Variants in CARHSP1 observed in about 807,000 individuals in gnomAD.
CARHSP1 encodes the protein calcium regulated heat stable protein 1.
Under a neutral mutation model 12.5 loss-of-function variants are expected in CARHSP1, and 14 were observed. The ratio of observed to expected loss-of-function variants is 1.12; its 90% CI spans 0.74 to 1.75. CARHSP1 has a LOEUF of 1.75. Among genes scored for constraint, CARHSP1 ranks in the 40% most tolerant of loss-of-function variants. CARHSP1 has a pLI of 0.00. For missense variants in CARHSP1, 343 were observed against 201.6 expected (o/e 1.70, Z -4.25); for synonymous variants, 161 against 82.0 (o/e 1.96, Z -5.20).
rs200553358 is a variant in CARHSP1 at position 8,859,185 on chromosome 16, C to A, written c.144G>T (p.Thr48=). ...VVPSPLPTRR[T]RTFSATVRAS... ...TCCAGACTCACGCCGAGAAGGTCCTCGTCCGGCGAGTGGGCAGTGGGCTTG... is the reference window on the plus strand; with the variant it reads ...TCCAGACTCACGCCGAGAAGGTCCTAGTCCGGCGAGTGGGCAGTGGGCTTG... The change falls in exon 2 of 4, where the codon ACG becomes ACT. Residue 48 remains threonine, a synonymous_variant. Coordinates refer to ENST00000311052, the MANE Select transcript of CARHSP1 (RefSeq NM_014316.4). 1.2e-6 allele frequency: 2 copies of A among 1,601,992 alleles called. No homozygotes were observed. The highest frequency in any genetic ancestry group is 2.2e-5 in the East Asian group (1 of 44,550).
intron 1 of CARHSP1, among the ~76,000 whole-genome samples, chr16:8,863,021 A>C (rs1244554263): frequency 6.6e-6 from 1 of 151,080 alleles, no homozygotes; most frequent in Non-Finnish European, 1.5e-5. Context: ...GTCTGAGGGC[A>C]GCACAGGGCC....
chr16:8,868,438 G>A (rs2061483125), intron 1 of CARHSP1: 1 of 151,618 alleles, frequency 6.6e-6, no homozygotes, highest in African/African-American at 2.4e-5. Flanking sequence ...CGGGCCCAGC[G>A]CGCCCGGCGG....
At position 8,858,430 on chromosome 16, in the gene CARHSP1, G is replaced by A. The variant is rs115493998; in HGVS notation, c.201C>T (p.Cys67=). The A allele has an allele frequency of 6.8e-4, 1,105 of 1,614,060 alleles. 8 individuals carry two copies. In the African/African-American group the frequency reaches 0.013, roughly 20 times the overall value. ...GGCCCTTGGACCGGCAGAAGCATTT[G>A]CAGACTCCTTTGTAGACGGGGCCCT... ...ASQGPVYKGV[C]KCFCRSKGHG... The change falls in exon 3 of 4, where the codon TGC becomes TGT. Residue 67 remains cysteine, a synonymous_variant. Coordinates refer to ENST00000311052, the MANE Select transcript of CARHSP1 (RefSeq NM_014316.4).
At chr16:8,863,741 C>T (rs2061409190) in intron 1 of CARHSP1, among the ~76,000 whole-genome samples, 1 of 151,970 alleles carries the variant, frequency 6.6e-6, no homozygotes, top group Non-Finnish European at 1.5e-5. Flanking sequence ...GAGGGCCGGG[C>T]AAAGTCCAGC....
chr16:8,865,564 G>C (rs1368374458), intron 1 of CARHSP1, among the ~76,000 whole-genome samples: 2 of 152,216 alleles, frequency 1.3e-5, no homozygotes, highest in African/African-American at 4.8e-5. Context: ...GCCTTCCATG[G>C]GATGCTGGCT....
chr16:8,862,901 G>C (rs1487640086), intron 1 of CARHSP1, among the ~76,000 whole-genome samples: 3 of 152,032 alleles, frequency 2.0e-5, no homozygotes, highest in Non-Finnish European at 4.4e-5. Flanking sequence ...GAATGGCACA[G>C]ACCCAAAATG....
rs116783584 is a variant in CARHSP1, at chr16:8,865,916, C to T, written c.-8+3050G>A. 3.1e-3 allele frequency among the ~76,000 whole-genome samples: 466 copies of T among 152,246 alleles called. 8 individuals carry two copies. Among genetic ancestry groups the T allele is most frequent in the African/African-American group, 0.011 (450 of 41,552 alleles). ...GGGATCTTGTTCAAATGCAGATTGC[C>T]ATTCAGCAGGTGTGGGGTGGGGCCT... On this transcript the variant is annotated intron_variant, in intron 1 of 3. Transcript: ENST00000311052.
intron 1 of CARHSP1, among the ~76,000 whole-genome samples, chr16:8,862,534 AG>A (rs2061384528): frequency 6.6e-6 from 1 of 152,056 alleles, no homozygotes; most frequent in African/African-American, 2.4e-5. Flanking sequence ...AGATCCCAAA[AG>A]GGCTGTAAAG....
At chr16:8,862,310 G>A (rs1051747902) in intron 1 of CARHSP1, among the ~76,000 whole-genome samples, 3 of 152,048 alleles carry the variant, frequency 2.0e-5, no homozygotes, top group Admixed American at 2.0e-4. Flanking sequence ...AGGCTGAACT[G>A]AAAACAAAAT....
At chr16:8,856,399 GAAAT>G (rs1353344595) in intron 3 of CARHSP1, among the ~76,000 whole-genome samples, 1 of 152,218 alleles carries the variant, frequency 6.6e-6, no homozygotes, top group Non-Finnish European at 1.5e-5. Flanking sequence ...AGGGAGCTCA[GAAAT>G]AAATCTGCAG....
At position 8,854,185 on chromosome 16, in the gene CARHSP1, A is replaced by G. The variant is rs1365593140; in HGVS notation, c.*979T>C. ...AAAAATAAGAAAAAAAAAATCCCTAAGCATTTCTTAACACTAGTTTTAAAG... is the reference window on the plus strand; with the variant it reads ...AAAAATAAGAAAAAAAAAATCCCTAGGCATTTCTTAACACTAGTTTTAAAG... On this transcript the variant is annotated 3_prime_UTR_variant, in exon 4 of 4. Coordinates refer to ENST00000311052, the MANE Select transcript of CARHSP1 (RefSeq NM_014316.4). 1 of 152,118 alleles carries G rather than the reference A, an allele frequency of 6.6e-6. No individual in the cohort carries two copies. The highest frequency in any genetic ancestry group is 1.5e-5 in the Non-Finnish European group (1 of 68,002). The allele number at this position is 152,118 out of a possible 1,614,324, so 9.4% of individuals were successfully genotyped here. A position where few individuals can be genotyped will look rare whatever the true frequency, so the allele number is the denominator to read the frequency against.
At chr16:8,858,895 A>G in intron 2 of CARHSP1, 2 of 427,410 alleles carry the variant, frequency 4.7e-6, no homozygotes. Flanking sequence ...ACAGGGAACC[A>G]GACTCTCATG....
intron 3 of CARHSP1, chr16:8,857,567 C>G (rs1213137841): frequency 1.4e-5 from 2 of 145,150 alleles, no homozygotes; most frequent in African/African-American, 2.6e-5. Flanking sequence ...GCTGGGACTA[C>G]AGGTGTGAGC....
intron 1 of CARHSP1, among the ~76,000 whole-genome samples, chr16:8,866,871 C>T (rs2061464363): frequency 6.6e-6 from 1 of 152,128 alleles, no homozygotes; most frequent in Non-Finnish European, 1.5e-5. Context: ...CCGGCGCCTA[C>T]GTCTGCCCAG....
At chr16:8,865,822 T>G (rs1596330038) in intron 1 of CARHSP1, among the ~76,000 whole-genome samples, 1 of 152,254 alleles carries the variant, frequency 6.6e-6, no homozygotes, top group African/African-American at 2.4e-5. Flanking sequence ...GTTTTACAGA[T>G]GAGGAAACTA....
intron 1 of CARHSP1, chr16:8,860,504 AAG>A: frequency 1.0e-6 from 1 of 985,442 alleles, no homozygotes. Flanking sequence ...GTTCAGGGGA[AAG>A]AGAAACAGTC....
intron 3 of CARHSP1, chr16:8,858,129 C>T (rs1596530178): frequency 1.7e-6 from 1 of 586,302 alleles, no homozygotes; most frequent in East Asian, 2.9e-5. Flanking sequence ...CCGTGTCGCC[C>T]CCAGCCTCAC....
rs756390920 is a variant in CARHSP1, at chr16:8,857,263, G to GTTTTTTTTTTTTTT, written c.281+1073_281+1086dup. ...TGGCTATGTGATCTTGGGCAGATCT[G>GTTTTTTTTTTTTTT]TTTTTTTTTTTTTTTTTTTTTTTTT... On this transcript the variant is annotated intron_variant, in intron 3 of 3. Transcript: ENST00000311052. 6.5e-4 allele frequency among the ~76,000 whole-genome samples: 37 copies of GTTTTTTTTTTTTTT among 57,028 alleles called. 3 individuals are homozygous for GTTTTTTTTTTTTTT. Among genetic ancestry groups the GTTTTTTTTTTTTTT allele is most frequent in the Admixed American group, 8.4e-4 (5 of 5,972 alleles). The allele number at this position is 57,028 out of a possible 152,430, so 37.4% of individuals were successfully genotyped here.
chr16:8,863,906 C>A (rs2061412131), intron 1 of CARHSP1, among the ~76,000 whole-genome samples: 1 of 152,218 alleles, frequency 6.6e-6, no homozygotes, highest in African/African-American at 2.4e-5. Context: ...CAGCTTCCAG[C>A]CAGCCACTGC....
Sources: gnomAD v4.1 joint callset for allele counts (sites outside exome capture counted in the v4.1 genomes callset) on GRCh38, gnomAD v4.1.1 for gene constraint, MANE v1.5 for transcripts, NCBI Gene and HGNC (gene_info 2026-07-23, HGNC 2026-07-21) for gene names.